YWHAG: variants seen among roughly 807,000 people sequenced by gnomAD.
YWHAG encodes 14-3-3 protein gamma.
Under a neutral mutation model 23.3 loss-of-function variants are expected in YWHAG, and 1 was observed. That is an observed-to-expected ratio of 0.04 (90% confidence interval 0.02 to 0.20). The LOEUF is 0.20. YWHAG is among the 10% of genes least tolerant of loss of function. The probability of loss-of-function intolerance (pLI) is 1.00; values close to 1 mark genes in which losing one functional copy is unlikely to be tolerated. For synonymous variants in YWHAG, 160 were observed against 144.0 expected (o/e 1.11, Z -0.80); for missense variants, 151 against 338.6 (o/e 0.45, Z 4.35).
At chr7:76,345,718 G>C (rs1027400923) in intron 1 of YWHAG, among the ~76,000 whole-genome samples, 1 of 151,914 alleles carries the variant, frequency 6.6e-6, no homozygotes, top group Non-Finnish European at 1.5e-5. Context: ...CGAAGTGGCC[G>C]GATCATGAGG....
At chr7:76,355,909 A>G (rs1803948335) in intron 1 of YWHAG, among the ~76,000 whole-genome samples, 1 of 152,246 alleles carries the variant, frequency 6.6e-6, no homozygotes, top group Non-Finnish European at 1.5e-5. Flanking sequence ...CGTAGGATAC[A>G]TCTAGGTGTT....
intron 1 of YWHAG, among the ~76,000 whole-genome samples, chr7:76,355,633 T>TG (rs928712702): frequency 4.6e-5 from 7 of 152,062 alleles, no homozygotes; most frequent in South Asian, 4.2e-4. Context: ...TGGAAGAGCC[T>TG]GGGGGGGAGG....
In YWHAG at chr7:76,329,810, T is replaced by C. The variant is rs1289299592; in HGVS notation, c.511A>G (p.Ile171Val). 9 of 1,611,968 alleles carry C rather than the reference T, an allele frequency of 5.6e-6. No homozygotes were observed. Among genetic ancestry groups the C allele is most frequent in the African/African-American group, 1.3e-5 (1 of 74,330 alleles). Residue 171 changes from isoleucine (I) to valine (V), a missense_variant, in exon 2 of 2, where the codon ATC (isoleucine) becomes GTC (valine). Transcript: ENST00000307630. This position sits in a 1 kb window ranked among gnomAD's most constrained non-coding sequence, Gnocchi z 6.1. Reference protein sequence around the residue: ...SKEHMQPTHPIRLGLALNYSV... With the variant: ...SKEHMQPTHPVRLGLALNYSV... ...TAGTTAAGAGCCAGGCCTAATCGGATGGGGTGGGTGGGCTGCATGTGCTCT... is the reference window on the plus strand; with the variant it reads ...TAGTTAAGAGCCAGGCCTAATCGGACGGGGTGGGTGGGCTGCATGTGCTCT...
At position 76,329,865 on chromosome 7, in the gene YWHAG, C is replaced by T. The variant is rs1803517836; in HGVS notation, c.456G>A (p.Lys152=). The T allele has an allele frequency of 2.5e-6, 4 of 1,613,766 alleles. No homozygotes were observed. The South Asian group carries it at 4.4e-5, about 18-fold the overall frequency. ...KRATVVESSE[K]AYSEAHEISK... The stretch of plus-strand genomic sequence containing the variant: ...TGATCTCGTGGGCTTCGCTGTAGGC[C>T]TTCTCGGAGGACTCCACCACCGTCG... The change falls in exon 2 of 2, where the codon AAG becomes AAA. Residue 152 remains lysine (K), a synonymous_variant. Transcript: ENST00000307630. The surrounding 1 kb of genome is among the most constrained non-coding windows in gnomAD (Gnocchi z 6.1).
chr7:76,356,317 T>TGAG (rs1284157130), intron 1 of YWHAG, among the ~76,000 whole-genome samples: 2 of 152,218 alleles, frequency 1.3e-5, no homozygotes, highest in African/African-American at 4.8e-5. Flanking sequence ...ATGAGGAAAA[T>TGAG]GAGGGACAGA....
At chr7:76,352,183 C>A (rs1803886255) in intron 1 of YWHAG, among the ~76,000 whole-genome samples, 1 of 152,224 alleles carries the variant, frequency 6.6e-6, no homozygotes, top group Non-Finnish European at 1.5e-5. Flanking sequence ...CATTTTGTTT[C>A]CCAGATCTGG....
At chr7:76,354,757 A>C (rs1015448217) in intron 1 of YWHAG, among the ~76,000 whole-genome samples, 1 of 152,170 alleles carries the variant, frequency 6.6e-6, no homozygotes, top group African/African-American at 2.4e-5. Context: ...CAAATCACTG[A>C]TAATAAAGCC....
chr7:76,356,403 T>C (rs1287461748), intron 1 of YWHAG, among the ~76,000 whole-genome samples: 1 of 151,930 alleles, frequency 6.6e-6, no homozygotes, highest in Non-Finnish European at 1.5e-5. Context: ...TCCTCTATAC[T>C]GTGAAGGAGC....
At position 76,329,519 on chromosome 7, in the gene YWHAG, G is replaced by GGAA; in HGVS notation, c.*57_*58insTTC. On this transcript the variant is annotated 3_prime_UTR_variant, in exon 2 of 2. Coordinates refer to ENST00000307630, the MANE Select transcript of YWHAG (RefSeq NM_012479.4). The surrounding 1 kb of genome is among the most constrained non-coding windows in gnomAD (Gnocchi z 6.1). ...CCCCCACCCGACCCCCAACTCATGGGAAAAAAATAAAGACTGCAGTAGTAG... is the reference window on the plus strand; with the variant it reads ...CCCCCACCCGACCCCCAACTCATGGGGAAAAAAAAATAAAGACTGCAGTAGTAG... The GGAA allele has an allele frequency of 6.8e-7, 1 of 1,466,614 alleles. No homozygotes were observed. The highest frequency in any genetic ancestry group is 9.1e-7 in the Non-Finnish European group (1 of 1,103,604). 90.9% of individuals were successfully genotyped at this position (1,466,614 alleles called of 1,614,324 possible).
chr7:76,343,378 C>T (rs905794643), intron 1 of YWHAG, among the ~76,000 whole-genome samples: 1 of 152,090 alleles, frequency 6.6e-6, no homozygotes, highest in African/African-American at 2.4e-5. Context: ...CAGACTCAGA[C>T]TCTTCCCATC....
intron 1 of YWHAG, 37 bp from the exon 2 acceptor site, chr7:76,330,270 A>G: frequency 6.3e-7 from 1 of 1,588,230 alleles, no homozygotes; most frequent in Admixed American, 1.7e-5. Flanking sequence ...TATGGTACAG[A>G]TGGTGTCCAC....
chr7:76,336,662 G>A (rs915728701), intron 1 of YWHAG, among the ~76,000 whole-genome samples: 12 of 151,850 alleles, frequency 7.9e-5, no homozygotes, highest in Non-Finnish European at 1.8e-4. Flanking sequence ...CACCACGTTG[G>A]CCAGGCTGGT....
At chr7:76,335,280 T>C (rs1583984513) in intron 1 of YWHAG, among the ~76,000 whole-genome samples, 1 of 152,234 alleles carries the variant, frequency 6.6e-6, no homozygotes, top group South Asian at 2.1e-4. Flanking sequence ...ATGGTCTTGA[T>C]CTCCTGACCT....
At chr7:76,352,918 T>C (rs1803897001) in intron 1 of YWHAG, among the ~76,000 whole-genome samples, 1 of 152,198 alleles carries the variant, frequency 6.6e-6, no homozygotes, top group Non-Finnish European at 1.5e-5. Flanking sequence ...CCCAAAGTGC[T>C]GGGATTACAG....
chr7:76,345,722 C>T (rs1490202270), intron 1 of YWHAG, among the ~76,000 whole-genome samples: 1 of 151,934 alleles, frequency 6.6e-6, no homozygotes, highest in Admixed American at 6.6e-5. Flanking sequence ...GTGGCCGGAT[C>T]ATGAGGTCTT....
chr7:76,332,163 T>C (rs1411872311), intron 1 of YWHAG, among the ~76,000 whole-genome samples: 3 of 152,042 alleles, frequency 2.0e-5, no homozygotes. Context: ...AGGGGAAGAA[T>C]AGGGGGTGGG....
At chr7:76,354,058 C>CAAAAAAAAAA (rs750620902) in intron 1 of YWHAG, among the ~76,000 whole-genome samples, 2 of 49,198 alleles carry the variant, frequency 4.1e-5, no homozygotes, top group African/African-American at 7.2e-5. Context: ...GACCTTGCCT[C>CAAAAAAAAAA]AAAAAAAAAA....
intron 1 of YWHAG, among the ~76,000 whole-genome samples, chr7:76,346,543 C>CT (rs1465671918): frequency 3.3e-5 from 5 of 152,212 alleles, no homozygotes; most frequent in Non-Finnish European, 5.9e-5. Flanking sequence ...TTTGCCTCCA[C>CT]TTAAGTGTTT....
In YWHAG at chr7:76,348,731, G is replaced by A. The variant is rs545297655; in HGVS notation, c.87+9991C>T. Among the ~76,000 whole-genome samples the A allele has an allele frequency of 8.0e-4, 121 of 151,262 alleles. 1 individual carries two copies. Among genetic ancestry groups the A allele is most frequent in the African/African-American group, 2.8e-3 (117 of 41,202 alleles). On this transcript the variant is annotated intron_variant, in intron 1 of 1. Transcript: ENST00000307630. ...ATTTTTGTATTTTCTGTAGAGACAG[G>A]GCTTCACCATGTTGGCCAGGCTGGT... is the stretch of plus-strand genomic sequence containing the variant.
Sources: gnomAD v4.1 joint callset for allele counts (sites outside exome capture counted in the v4.1 genomes callset) on GRCh38, gnomAD v4.1.1 for gene constraint, Gnocchi (gnomAD v3.1) non-coding constraint, MANE v1.5 for transcripts, NCBI Gene and HGNC (gene_info 2026-07-23, HGNC 2026-07-21) for gene names.